The following GRM7 variants were observed in gnomAD, a reference collection of about 807,000 sequenced individuals.
GRM7 encodes the protein metabotropic glutamate receptor 7.
GRM7 carries 35 observed loss-of-function variants against 84.5 expected under a neutral mutation model. The observed-to-expected ratio is 0.41, with a 90% CI of 0.32 to 0.55. The LOEUF is 0.55. Ranked by LOEUF, GRM7 falls within the 20% of genes least tolerant of loss-of-function variation. The pLI is 0.19. For missense variants in GRM7, 1,003 were observed against 1,194.6 expected (o/e 0.84, Z 2.36); for synonymous variants, 487 against 455.1 (o/e 1.07, Z -0.89).
chr3:7,519,015 A>G (rs1231323032), intron 7 of GRM7, among the ~76,000 whole-genome samples: 2 of 152,198 alleles, frequency 1.3e-5, no homozygotes, highest in African/African-American at 4.8e-5. Flanking sequence ...TGTGACAATG[A>G]GGCATTATTC....
chr3:7,669,469 T>C (rs1335576397), intron 8 of GRM7, among the ~76,000 whole-genome samples: 2 of 152,188 alleles, frequency 1.3e-5, no homozygotes, highest in South Asian at 2.1e-4. Flanking sequence ...ACAGAGTTCT[T>C]TGGGCCATGT....
intron 1 of GRM7, among the ~76,000 whole-genome samples, chr3:6,993,898 G>A (rs1255825353): frequency 6.6e-6 from 1 of 152,192 alleles, no homozygotes; most frequent in Non-Finnish European, 1.5e-5. Flanking sequence ...TTCATTTTCA[G>A]CTACTTGTGC....
rs1190867709 is a variant in GRM7, at chr3:7,451,587, G to A, written c.1175-1020G>A. Among the ~76,000 whole-genome samples, 3 of 152,190 alleles carry A rather than the reference G, an allele frequency of 2.0e-5. No individual in the cohort carries two copies. The East Asian group carries it at 5.8e-4, about 29-fold the overall frequency. ...GGGTCCAGGTAATGAAAAGAATGTG[G>A]GCTTTGGGGTCTGACAAGCCTGGGC... On this transcript the variant is annotated intron_variant, in intron 5 of 9. Transcript: ENST00000357716.
intron 1 of GRM7, among the ~76,000 whole-genome samples, chr3:7,061,044 C>G (rs946459509): frequency 1.4e-4 from 21 of 151,722 alleles, no homozygotes; most frequent in Non-Finnish European, 2.4e-4. Context: ...GCAATTCACT[C>G]TCATGTTAGT....
intron 1 of GRM7, among the ~76,000 whole-genome samples, chr3:7,061,412 C>T (rs1697430099): frequency 6.6e-6 from 1 of 151,638 alleles, no homozygotes; most frequent in East Asian, 1.9e-4. Context: ...CCCTCATTTA[C>T]AGATGAGTAA....
intron 1 of GRM7, among the ~76,000 whole-genome samples, chr3:6,899,393 C>T (rs776661113): frequency 1.3e-5 from 2 of 152,108 alleles, no homozygotes; most frequent in South Asian, 2.1e-4. Context: ...AATTGGACAA[C>T]TTTTGATAAA....
chr3:7,105,029 A>G lies in GRM7; in HGVS notation c.520-41423A>G, dbSNP rs904608031. Among the ~76,000 whole-genome samples, 8 of 151,838 alleles carry G rather than the reference A, an allele frequency of 5.3e-5. 1 individual carries two copies. Among genetic ancestry groups the G allele is most frequent in the African/African-American group, 1.4e-4 (6 of 41,402 alleles). Reference sequence around the variant, plus strand: ...TGGTTGAATAGTTCCCTGAGCATGAAGGCATTATCTTATTCTCCTTTACTA... The same window carrying G: ...TGGTTGAATAGTTCCCTGAGCATGAGGGCATTATCTTATTCTCCTTTACTA... On this transcript the variant is annotated intron_variant, in intron 1 of 9. Coordinates refer to ENST00000357716, the MANE Select transcript of GRM7 (RefSeq NM_000844.4).
intron 7 of GRM7, among the ~76,000 whole-genome samples, chr3:7,517,161 C>T (rs1294204645): frequency 6.6e-6 from 1 of 152,192 alleles, no homozygotes; most frequent in African/African-American, 2.4e-5. Flanking sequence ...ACTGACACCC[C>T]AAATGTCCTG....
At chr3:7,683,963 A>G (rs1017199909) in intron 9 of GRM7, among the ~76,000 whole-genome samples, 3 of 152,192 alleles carry the variant, frequency 2.0e-5, no homozygotes, top group African/African-American at 7.2e-5. Context: ...AACATTTGAG[A>G]TGAGACAAAC....
intron 1 of GRM7, among the ~76,000 whole-genome samples, chr3:7,077,566 CT>C (rs918568130): frequency 2.1e-4 from 14 of 66,424 alleles, no homozygotes; most frequent in Non-Finnish European, 1.1e-4. Context: ...ACACTGGGGC[CT>C]GTCGGGGGGT....
At chr3:7,431,020 G>A (rs1057238543) in intron 5 of GRM7, among the ~76,000 whole-genome samples, 2 of 151,988 alleles carry the variant, frequency 1.3e-5, no homozygotes, top group African/African-American at 4.8e-5. Flanking sequence ...GGAGTTGTGG[G>A]GAGGGGCCCA....
At chr3:7,221,568 T>C (rs1325388834) in intron 2 of GRM7, among the ~76,000 whole-genome samples, 1 of 151,964 alleles carries the variant, frequency 6.6e-6, no homozygotes, top group Non-Finnish European at 1.5e-5. Flanking sequence ...TTTTATATTG[T>C]AGGGGTGTTC....
At chr3:7,227,254 A>C (rs1337289614) in intron 2 of GRM7, among the ~76,000 whole-genome samples, 3 of 152,192 alleles carry the variant, frequency 2.0e-5, no homozygotes, top group Non-Finnish European at 4.4e-5. Flanking sequence ...TCAATGGCAA[A>C]TTGCAAGAAG....
intron 9 of GRM7, among the ~76,000 whole-genome samples, chr3:7,691,770 C>T (rs1449154877): frequency 6.6e-6 from 1 of 152,138 alleles, no homozygotes; most frequent in Non-Finnish European, 1.5e-5. Context: ...AAGTGATTCT[C>T]CTGCCTCAGC....
At chr3:7,399,465 A>T (rs545058387) in intron 4 of GRM7, among the ~76,000 whole-genome samples, 1 of 152,156 alleles carries the variant, frequency 6.6e-6, no homozygotes, top group Non-Finnish European at 1.5e-5. Context: ...TTCCTCCGGT[A>T]ATGAGCAAAT....
At chr3:7,317,398 G>A (rs559867380) in intron 4 of GRM7, among the ~76,000 whole-genome samples, 1 of 152,074 alleles carries the variant, frequency 6.6e-6, no homozygotes, top group Non-Finnish European at 1.5e-5. Flanking sequence ...TAATAATACT[G>A]TCCTCTAGAA....
At chr3:7,159,594 C>T (rs1327209430) in intron 2 of GRM7, among the ~76,000 whole-genome samples, 1 of 152,182 alleles carries the variant, frequency 6.6e-6, no homozygotes, top group Non-Finnish European at 1.5e-5. Context: ...TCTCTCCAAA[C>T]ATCAATCGAA....
chr3:7,668,619 T>C (rs540451743), intron 8 of GRM7, among the ~76,000 whole-genome samples: 5 of 152,244 alleles, frequency 3.3e-5, no homozygotes, highest in Admixed American at 6.5e-5. Context: ...GAATAGAAGA[T>C]AACAAACTGG....
At chr3:7,403,898 T>C (rs1695566039) in intron 4 of GRM7, among the ~76,000 whole-genome samples, 1 of 151,860 alleles carries the variant, frequency 6.6e-6, no homozygotes, top group African/African-American at 2.4e-5. Flanking sequence ...ATGTTTCTGG[T>C]ACTCCTTGGA....
Sources: allele counts gnomAD v4.1 joint callset (sites outside exome capture counted in the v4.1 genomes callset), GRCh38; gene constraint gnomAD v4.1.1; transcripts MANE v1.5; gene names NCBI Gene and HGNC (gene_info 2026-07-23, HGNC 2026-07-21).